The following PADI1 variants were observed in gnomAD, a reference collection of about 807,000 sequenced individuals.
PADI1 encodes protein-arginine deiminase type-1.
PADI1 carries 65 observed loss-of-function variants against 74.8 expected under a neutral mutation model. The ratio of observed to expected loss-of-function variants is 0.87; its 90% CI spans 0.71 to 1.07. The LOEUF (loss-of-function observed/expected upper bound fraction) is 1.07. Among genes scored for constraint, PADI1 ranks in the 50% least tolerant of loss-of-function variants. The pLI is 0.00. For synonymous variants in PADI1, 371 were observed against 336.2 expected (o/e 1.10, Z -1.13); for missense variants, 943 against 854.0 (o/e 1.10, Z -1.30).
chr1:17,237,226 C>A, intron 11 of PADI1, 88 bp from the exon 12 acceptor site: 1 of 1,434,854 alleles, frequency 7.0e-7, no homozygotes, highest in Non-Finnish European at 9.3e-7. Context: ...GCAATTCCGC[C>A]CCCTGGTGGC....
At chr1:17,215,388 T>A (rs1406688747) in intron 1 of PADI1, among the ~76,000 whole-genome samples, 3 of 130,064 alleles carry the variant, frequency 2.3e-5, no homozygotes, top group Non-Finnish European at 4.7e-5. Flanking sequence ...TTCATCATCA[T>A]CATCATCGTC....
At position 17,226,297 on chromosome 1, in the gene PADI1, T is replaced by C. The variant is rs2072309801; in HGVS notation, c.652+139T>C. ...AAACAACCACTCCATCAGTACCAAA[T>C]ATAGTCCTCAAGGAGGAGGTTCAAC... is the stretch of plus-strand genomic sequence containing the variant. On this transcript the variant is annotated intron_variant, in intron 6 of 15. Transcript: ENST00000375471. 5.5e-6 allele frequency: 5 copies of C among 909,436 alleles called. No homozygotes were observed. The Admixed American group carries it at 1.1e-4, about 21-fold the overall frequency. 56.3% of individuals were successfully genotyped at this position (909,436 alleles called of 1,614,324 possible). A position where few individuals can be genotyped will look rare whatever the true frequency, so the allele number is the denominator to read the frequency against.
chr1:17,242,558 T>A (rs935599327), intron 15 of PADI1, among the ~76,000 whole-genome samples: 1 of 152,222 alleles, frequency 6.6e-6, no homozygotes, highest in Non-Finnish European at 1.5e-5. Flanking sequence ...GGCCTCCATC[T>A]GCCGGAAGCC....
At chr1:17,212,061 C>T (rs1043148435) in intron 1 of PADI1, among the ~76,000 whole-genome samples, 1 of 152,180 alleles carries the variant, frequency 6.6e-6, no homozygotes, top group Non-Finnish European at 1.5e-5. Context: ...GCCCTGTGTG[C>T]CCCAGGGAAG....
At chr1:17,218,680 G>A (rs2072045353) in intron 1 of PADI1, among the ~76,000 whole-genome samples, 1 of 152,224 alleles carries the variant, frequency 6.6e-6, no homozygotes, top group African/African-American at 2.4e-5. Context: ...AATTGGAGGT[G>A]TCAAGGGAGC....
intron 13 of PADI1, among the ~76,000 whole-genome samples, chr1:17,239,077 A>G (rs959030517): frequency 6.6e-6 from 1 of 152,294 alleles, no homozygotes; most frequent in East Asian, 1.9e-4. Flanking sequence ...TGGGGCCTTG[A>G]GAGAGGAAGG....
rs1288126548 is a variant in PADI1, at chr1:17,237,440, G to T, written c.1440G>T (p.Val480=). 27 of 1,612,162 alleles carry T rather than the reference G, an allele frequency of 1.7e-5. No homozygotes were observed. Among genetic ancestry groups the T allele is most frequent in the Non-Finnish European group, 2.3e-5 (27 of 1,178,998 alleles). Residue 480 remains valine, a synonymous_variant, in exon 12 of 16, where the codon GTG becomes GTT. Transcript: ENST00000375471. The part of the protein sequence containing the change: ...VGHVDEFLTF[V]PTSDQKGFRL... ...ATGTGGACGAGTTTCTGACCTTTGT[G>T]CCTACCTCTGACCAAAAGGTGCGTC...
At chr1:17,236,328 T>G (rs12028888) in intron 11 of PADI1, among the ~76,000 whole-genome samples, 32,642 of 152,178 alleles carry the variant, frequency 0.21, 4,085 homozygotes, top group Middle Eastern at 0.28. Context: ...GGGACAGTAA[T>G]AGTCCCAACC....
chr1:17,214,588 G>T (rs139913721), intron 1 of PADI1, among the ~76,000 whole-genome samples: 3 of 152,182 alleles, frequency 2.0e-5, no homozygotes, highest in South Asian at 2.1e-4. Flanking sequence ...AGGTCTGGGG[G>T]CTACATCATG....
intron 11 of PADI1, among the ~76,000 whole-genome samples, chr1:17,233,194 A>G (rs2100499141): frequency 6.6e-6 from 1 of 152,354 alleles, no homozygotes; most frequent in South Asian, 2.1e-4. Context: ...CTTTTGGCCT[A>G]CCTCATTTTA....
At position 17,227,530 on chromosome 1, in the gene PADI1, CAAATAAATAAATAAAT is replaced by C. The variant is rs56966982; in HGVS notation, c.653-1058_653-1043del. 8.3e-3 allele frequency among the ~76,000 whole-genome samples: 1,144 copies of C among 138,344 alleles called. 13 individuals carry two copies. Among genetic ancestry groups the C allele is most frequent in the East Asian group, 0.083 (398 of 4,822 alleles). The allele number at this position is 138,344 out of a possible 152,430, so 90.8% of individuals were successfully genotyped here. A position where few individuals can be genotyped will look rare whatever the true frequency, so the allele number is the denominator to read the frequency against. Reference sequence around the variant, plus strand: ...TGGGAGACAGAGTGAGACCCTGTCTCAAATAAATAAATAAATAAATAAATAAATAAATAAATAAATA... The same window carrying C: ...TGGGAGACAGAGTGAGACCCTGTCTCAAATAAATAAATAAATAAATAAATA... On this transcript the variant is annotated intron_variant, in intron 6 of 15. Coordinates refer to ENST00000375471, the MANE Select transcript of PADI1 (RefSeq NM_013358.3).
At chr1:17,227,186 A>G (rs2072339708) in intron 6 of PADI1, among the ~76,000 whole-genome samples, 1 of 148,538 alleles carries the variant, frequency 6.7e-6, no homozygotes, top group South Asian at 2.2e-4. Flanking sequence ...GAGTGAACCA[A>G]GATCATGCCA....
intron 1 of PADI1, among the ~76,000 whole-genome samples, chr1:17,218,180 A>G (rs376256512): frequency 2.6e-5 from 4 of 152,364 alleles, no homozygotes; most frequent in East Asian, 3.9e-4. Context: ...CAGGTTGGCT[A>G]CAGTTGCAAG....
chr1:17,236,242 T>C (rs993124566), intron 11 of PADI1, among the ~76,000 whole-genome samples: 2 of 152,214 alleles, frequency 1.3e-5, no homozygotes, highest in African/African-American at 2.4e-5. Context: ...ATCATATGTA[T>C]GAATATAGTA....
At chr1:17,219,972 GT>G (rs1353518126) in intron 1 of PADI1, among the ~76,000 whole-genome samples, 5 of 152,106 alleles carry the variant, frequency 3.3e-5, no homozygotes, top group African/African-American at 1.2e-4. Flanking sequence ...TTGAAAGGGA[GT>G]TGGGGAGGAT....
At position 17,230,065 on chromosome 1, in the gene PADI1, C is replaced by T. The variant is rs1471261927; in HGVS notation, c.930-20C>T. 10 of 1,609,024 alleles carry T rather than the reference C, an allele frequency of 6.2e-6. No homozygotes were observed. Among genetic ancestry groups the T allele is most frequent in the Non-Finnish European group, 8.5e-6 (10 of 1,177,062 alleles). ...CAGTCAGAGGCCATTAGCATGCTCC[C>T]CTCTCCCTACCTTTTACAGAGTGAT... On this transcript the variant is annotated intron_variant, in intron 8 of 15. Transcript: ENST00000375471.
intron 1 of PADI1, among the ~76,000 whole-genome samples, chr1:17,218,579 G>A (rs141959495): frequency 1.3e-3 from 200 of 152,344 alleles, no homozygotes; most frequent in African/African-American, 4.6e-3. Flanking sequence ...GAAGAGAAAA[G>A]ACCCACTGGG....
chr1:17,217,816 G>A (rs1486223084), intron 1 of PADI1, among the ~76,000 whole-genome samples: 6 of 152,308 alleles, frequency 3.9e-5, no homozygotes, highest in South Asian at 2.1e-4. Flanking sequence ...TTCATTCATC[G>A]TTTTATCAAA....
intron 1 of PADI1, among the ~76,000 whole-genome samples, chr1:17,208,347 C>A (rs1306081012): frequency 6.6e-6 from 1 of 152,106 alleles, no homozygotes; most frequent in Non-Finnish European, 1.5e-5. Context: ...TAGGAATCCT[C>A]GACTCAGCAT....
Sources: gnomAD v4.1 joint callset for allele counts (sites outside exome capture counted in the v4.1 genomes callset) on GRCh38, gnomAD v4.1.1 for gene constraint, MANE v1.5 for transcripts, NCBI Gene and HGNC (gene_info 2026-07-23, HGNC 2026-07-21) for gene names.